Variants in ATG4C observed in about 807,000 individuals in gnomAD.
ATG4C encodes cysteine protease ATG4C.
Under a neutral mutation model 57.6 loss-of-function variants are expected in ATG4C, and 56 were observed. The observed-to-expected ratio is 0.97, with a 90% CI of 0.78 to 1.21. The LOEUF (loss-of-function observed/expected upper bound fraction) is 1.21, where lower values mean the gene tolerates loss of function less well. Ranked by LOEUF, ATG4C falls within the 50% of genes most tolerant of loss-of-function variation. The probability of loss-of-function intolerance (pLI) is 0.00; values close to 1 mark genes in which losing one functional copy is unlikely to be tolerated. For synonymous variants in ATG4C, 157 were observed against 174.1 expected, an observed-to-expected ratio of 0.90 and a Z score of 0.78; for missense variants, 595 against 529.8, an observed-to-expected ratio of 1.12 and a Z score of -1.21.
At chr1:62,804,332 C>T (rs138683808) in intron 2 of ATG4C, among the ~76,000 whole-genome samples, 55 of 152,112 alleles carry the variant, frequency 3.6e-4, no homozygotes, top group African/African-American at 1.2e-3. Flanking sequence ...CCTCGTGATC[C>T]GCCCACCTTG....
At chr1:62,837,726 A>G (rs1039510125) in intron 9 of ATG4C, among the ~76,000 whole-genome samples, 2 of 152,170 alleles carry the variant, frequency 1.3e-5, no homozygotes, top group African/African-American at 4.8e-5. Context: ...TGAATTCTTC[A>G]GTGAAAGATA....
chr1:62,834,216 C>A, intron 8 of ATG4C, 100 bp downstream of exon 8: 1 of 1,061,044 alleles, frequency 9.4e-7, no homozygotes, highest in Non-Finnish European at 1.4e-6. Context: ...CAGAGCAAAA[C>A]GAGTACCTTA....
chr1:62,864,227 T>C lies in ATG4C; in HGVS notation c.*68T>C, dbSNP rs1300532557. 4.7e-6 allele frequency: 6 copies of C among 1,268,796 alleles called. No homozygotes were observed. Among genetic ancestry groups the C allele is most frequent in the African/African-American group, 1.6e-5 (1 of 64,310 alleles). The allele number at this position is 1,268,796 out of a possible 1,614,324, so 78.6% of individuals were successfully genotyped here. ...GGGGAAAAATGAAGAGAAACAAGTA[T>C]ATCTGAAATGTTTATTTTCACAAAT... is the stretch of plus-strand genomic sequence containing the variant. On this transcript the variant is annotated 3_prime_UTR_variant, in exon 11 of 11. Transcript: ENST00000317868.
chr1:62,803,149 A>AT (rs1176372611), intron 1 of ATG4C, among the ~76,000 whole-genome samples: 7 of 152,220 alleles, frequency 4.6e-5, no homozygotes, highest in Non-Finnish European at 7.4e-5. Flanking sequence ...TCCGTTATAA[A>AT]TTTAAGCCGT....
intron 7 of ATG4C, among the ~76,000 whole-genome samples, chr1:62,831,368 T>G (rs976247154): frequency 2.6e-5 from 4 of 152,198 alleles, no homozygotes; most frequent in Admixed American, 2.6e-4. Context: ...AGCCGTTGTA[T>G]TTTTTCCTGC....
intron 10 of ATG4C, among the ~76,000 whole-genome samples, chr1:62,863,273 T>C (rs1360677): frequency 0.64 from 96,985 of 151,724 alleles, 31,343 homozygotes; most frequent in African/African-American, 0.74. Flanking sequence ...TGTGAGAAGG[T>C]CATTTTTCAT....
At chr1:62,789,328 G>C (rs1664193514) in intron 1 of ATG4C, among the ~76,000 whole-genome samples, 2 of 152,004 alleles carry the variant, frequency 1.3e-5, no homozygotes, top group Admixed American at 1.3e-4. Context: ...TCTCAAATCT[G>C]GTCAGTAGTA....
chr1:62,816,669 T>C lies in ATG4C; in HGVS notation c.255T>C (p.Ser85=). The change falls in exon 4 of 11, where the codon TCT becomes TCC. Residue 85 remains serine, a synonymous_variant. Transcript: ENST00000317868. ...NVEEFRKDFI[S]RIWLTYREEF... is the part of the protein sequence containing the mutation. ...AAGAATTTCGTAAAGATTTCATTTC[T>C]AGAATATGGCTGACCTACAGGGAAG... The C allele has an allele frequency of 6.2e-7, 1 of 1,613,888 alleles. No individual in the cohort carries two copies.
intron 10 of ATG4C, among the ~76,000 whole-genome samples, chr1:62,846,348 T>G (rs1334661143): frequency 2.0e-5 from 3 of 152,206 alleles, no homozygotes. Context: ...TTTGCCTGCT[T>G]TCTTCCCCAG....
rs1013761065 is a variant in ATG4C, at chr1:62,843,207, T to C, written c.1209+1660T>C. Among the ~76,000 whole-genome samples the C allele has an allele frequency of 4.6e-5, 7 of 152,188 alleles. No individual in the cohort carries two copies. The South Asian group carries it at 8.3e-4, about 18-fold the overall frequency. On this transcript the variant is annotated intron_variant, in intron 10 of 10. Coordinates refer to ENST00000317868, the MANE Select transcript of ATG4C (RefSeq NM_032852.4). Reference sequence around the variant, plus strand: ...GATATTTTCTAATTAAAGACACTTATGGCTTTTACATTGGAAAAATACTTA... The same window carrying C: ...GATATTTTCTAATTAAAGACACTTACGGCTTTTACATTGGAAAAATACTTA...
At chr1:62,844,020 A>G (rs1001499265) in intron 10 of ATG4C, among the ~76,000 whole-genome samples, 10 of 152,174 alleles carry the variant, frequency 6.6e-5, no homozygotes, top group African/African-American at 2.4e-4. Context: ...TGGCTTAGGG[A>G]AAGAGAAGGT....
chr1:62,816,803 G>T lies in ATG4C; in HGVS notation c.389G>T (p.Gly130Val). ...CAAGGACTCATACTACACTTTCTTG[G>T]TAGAGGTAAATCAAATTTCTGTTTT... is the stretch of plus-strand genomic sequence containing the variant. ...LAQGLILHFLGRAWTWPDALN... is the reference protein window; with the variant it reads ...LAQGLILHFLVRAWTWPDALN... The change falls in exon 4 of 11, where the codon GGT becomes GTT. Residue 130 changes from glycine (G) to valine (V), a missense_variant. Coordinates refer to ENST00000317868, the MANE Select transcript of ATG4C (RefSeq NM_032852.4). 6.5e-7 allele frequency: 1 copy of T among 1,530,780 alleles called. No homozygotes were observed. Among genetic ancestry groups the T allele is most frequent in the Non-Finnish European group, 8.8e-7 (1 of 1,137,512 alleles). 94.8% of individuals were successfully genotyped at this position (1,530,780 alleles called of 1,614,324 possible).
chr1:62,863,948 A>G (rs2100373538), intron 10 of ATG4C, 44 bp from the exon 11 acceptor site: 3 of 1,376,112 alleles, frequency 2.2e-6, no homozygotes, highest in Admixed American at 2.4e-5. Flanking sequence ...CTTAGTGTGC[A>G]CTATTGCATC....
intron 10 of ATG4C, among the ~76,000 whole-genome samples, chr1:62,863,736 G>A (rs563825362): frequency 5.4e-4 from 82 of 152,166 alleles, no homozygotes; most frequent in Middle Eastern, 3.4e-3. Flanking sequence ...TTACTTTGGG[G>A]AAGTGGGAGG....
chr1:62,804,708 A>G (rs1002856397), intron 2 of ATG4C, among the ~76,000 whole-genome samples: 1 of 152,292 alleles, frequency 6.6e-6, no homozygotes, highest in East Asian at 1.9e-4. Flanking sequence ...CCCACCTAAG[A>G]TGGAGAAGTA....
chr1:62,823,838 A>C (rs1340246784), intron 6 of ATG4C, among the ~76,000 whole-genome samples: 1 of 152,042 alleles, frequency 6.6e-6, no homozygotes, highest in African/African-American at 2.4e-5. Context: ...GCCTCTTGTT[A>C]GGTCTTATTC....
intron 5 of ATG4C, among the ~76,000 whole-genome samples, chr1:62,819,652 G>A (rs1228805023): frequency 6.6e-6 from 1 of 151,886 alleles, no homozygotes; most frequent in Admixed American, 6.6e-5. Flanking sequence ...CTTGGAACGT[G>A]CATAACATTA....
chr1:62,807,756 G>A (rs565727313), intron 3 of ATG4C, among the ~76,000 whole-genome samples: 179 of 152,264 alleles, frequency 1.2e-3, no homozygotes, highest in African/African-American at 4.2e-3. Context: ...AATAAATGGC[G>A]AAATATAACC....
At chr1:62,826,003 G>A (rs111365390) in intron 6 of ATG4C, among the ~76,000 whole-genome samples, 8,006 of 152,074 alleles carry the variant, frequency 0.053, 711 homozygotes, top group African/African-American at 0.18. Context: ...TGCCTCCCAG[G>A]TTCAAGCGAT....
Sources: allele counts gnomAD v4.1 joint callset (sites outside exome capture counted in the v4.1 genomes callset), GRCh38; gene constraint gnomAD v4.1.1; transcripts MANE v1.5; gene names NCBI Gene and HGNC (gene_info 2026-07-23, HGNC 2026-07-21).